Variants in RIN3 observed in about 807,000 individuals in gnomAD.
RIN3 encodes RAB5 interacting protein 3.
In RIN3, 54 loss-of-function variants were observed where a neutral mutation model predicts 76.3. That is an observed-to-expected ratio of 0.71 (90% CI 0.57 to 0.89). RIN3 has a LOEUF of 0.89. RIN3 is among the 40% of genes least tolerant of loss of function. The pLI is 0.00. For missense variants in RIN3, 1,256 were observed against 1,322.1 expected (o/e 0.95, Z 0.78); for synonymous variants, 576 against 564.0 (o/e 1.02, Z -0.30).
intron 2 of RIN3, among the ~76,000 whole-genome samples, chr14:92,557,148 C>T (rs2140036654): frequency 6.6e-6 from 1 of 152,384 alleles, no homozygotes; most frequent in East Asian, 1.9e-4. Context: ...CAAGCATTCC[C>T]TGAGTACTTG....
In RIN3 at chr14:92,656,369, G is replaced by A. The variant is rs906418232; in HGVS notation, c.2027-2792G>A. Among the ~76,000 whole-genome samples, 1 of 152,214 alleles carries A rather than the reference G, an allele frequency of 6.6e-6. No individual in the cohort carries two copies. Among genetic ancestry groups the A allele is most frequent in the Non-Finnish European group, 1.5e-5 (1 of 68,034 alleles). On this transcript the variant is annotated intron_variant, in intron 6 of 9. Coordinates refer to ENST00000216487, the MANE Select transcript of RIN3 (RefSeq NM_024832.5). This position sits in a 1 kb window ranked among gnomAD's most constrained non-coding sequence, Gnocchi z 5.2. ...ATGGAGCCCCTGAAGGGTGTGTGTG[G>A]AGGGCAGAGGAGAGGGGACAAGACA...
At chr14:92,537,103 T>A (rs773844681) in intron 1 of RIN3, among the ~76,000 whole-genome samples, 1 of 152,178 alleles carries the variant, frequency 6.6e-6, no homozygotes, top group Non-Finnish European at 1.5e-5. Context: ...ACTAGCTTCC[T>A]GCATCTTCTT....
chr14:92,550,910 C>G (rs1320077670), intron 1 of RIN3, among the ~76,000 whole-genome samples: 1 of 152,170 alleles, frequency 6.6e-6, no homozygotes, highest in African/African-American at 2.4e-5. Context: ...TTAAAAGATA[C>G]AGAAGACTTG....
chr14:92,622,530 G>A (rs1032074041), intron 4 of RIN3, among the ~76,000 whole-genome samples: 4 of 152,202 alleles, frequency 2.6e-5, no homozygotes, highest in African/African-American at 4.8e-5. Context: ...GTAGAAGGGC[G>A]CTTCCTGCAT....
chr14:92,576,852 G>A (rs775118479), intron 2 of RIN3, among the ~76,000 whole-genome samples: 1 of 152,094 alleles, frequency 6.6e-6, no homozygotes, highest in Non-Finnish European at 1.5e-5. Context: ...TTTTTTCAGG[G>A]GAAAAAATGG....
intron 2 of RIN3, chr14:92,576,146 G>A (rs1433939083): frequency 3.2e-5 from 35 of 1,086,516 alleles, no homozygotes; most frequent in Non-Finnish European, 4.0e-5. Context: ...TCCTGGGGAA[G>A]CTGTGCCACA....
intron 3 of RIN3, among the ~76,000 whole-genome samples, chr14:92,602,332 A>T (rs574164811): frequency 1.3e-5 from 2 of 152,320 alleles, no homozygotes; most frequent in East Asian, 3.9e-4. Context: ...GACAGGGGAG[A>T]TGGTGGCCCA....
chr14:92,680,684 C>CTGGG (rs1888632432), intron 8 of RIN3, among the ~76,000 whole-genome samples: 1 of 152,216 alleles, frequency 6.6e-6, no homozygotes, highest in Non-Finnish European at 1.5e-5. Context: ...AGAGATGGAG[C>CTGGG]TGGGCCCTGC....
chr14:92,518,789 C>CTCTGTGTGTGTGTGTG, intron 1 of RIN3, among the ~76,000 whole-genome samples: 1 of 128,418 alleles, frequency 7.8e-6, no homozygotes, highest in Non-Finnish European at 1.6e-5. Context: ...TAAGGGTGGC[C>CTCTGTGTGTGTGTGTG]TGTGTGTGTG....
intron 8 of RIN3, 40 bp downstream of exon 8, chr14:92,676,646 C>G: frequency 6.3e-7 from 1 of 1,599,590 alleles, no homozygotes; most frequent in Admixed American, 1.7e-5. Flanking sequence ...CATTGCACAC[C>G]CCCAACTCAG....
intron 3 of RIN3, among the ~76,000 whole-genome samples, chr14:92,593,309 C>G (rs1448450934): frequency 6.6e-6 from 1 of 152,108 alleles, no homozygotes. Context: ...TGGTAGATGT[C>G]AATCCAGCAA....
At chr14:92,677,865 C>T (rs981170234) in intron 8 of RIN3, among the ~76,000 whole-genome samples, 2 of 150,978 alleles carry the variant, frequency 1.3e-5, no homozygotes, top group Admixed American at 6.6e-5. Flanking sequence ...CCCATCTACC[C>T]ATCCACCCAC....
chr14:92,673,526 G>A (rs7159005), intron 7 of RIN3, among the ~76,000 whole-genome samples: 42,877 of 148,622 alleles, frequency 0.29, 7,000 homozygotes, highest in Non-Finnish European at 0.36. Context: ...TTTTTTTTGA[G>A]ACAGAGTTTC....
chr14:92,525,009 G>A (rs1896691832), intron 1 of RIN3, among the ~76,000 whole-genome samples: 1 of 152,244 alleles, frequency 6.6e-6, no homozygotes, highest in African/African-American at 2.4e-5. Context: ...GGCTGTGTGA[G>A]GCCTGCAGGG....
At chr14:92,614,410 T>C (rs1885869759) in intron 3 of RIN3, among the ~76,000 whole-genome samples, 1 of 152,192 alleles carries the variant, frequency 6.6e-6, no homozygotes, top group Non-Finnish European at 1.5e-5. Context: ...ATGACTGTGA[T>C]CTATTAAATG....
chr14:92,613,380 C>T lies in RIN3; in HGVS notation c.368-2027C>T, dbSNP rs375497353. Among the ~76,000 whole-genome samples, 17 of 152,316 alleles carry T rather than the reference C, an allele frequency of 1.1e-4. No homozygotes were observed. In the East Asian group the frequency reaches 2.9e-3, roughly 26 times the overall value. On this transcript the variant is annotated intron_variant, in intron 3 of 9. Transcript: ENST00000216487. The stretch of plus-strand genomic sequence containing the variant: ...GTCATTTGTAGGCATCCTCCAAATA[C>T]CTCCTGTACCACCATCTAGTTAATA...
intron 2 of RIN3, among the ~76,000 whole-genome samples, chr14:92,559,733 G>C (rs145469548): frequency 1.9e-3 from 291 of 152,340 alleles, no homozygotes; most frequent in African/African-American, 6.7e-3. Flanking sequence ...AGGTTGGGAT[G>C]GGGGAGCTGA....
At chr14:92,592,649 TA>T (rs1885022504) in intron 3 of RIN3, among the ~76,000 whole-genome samples, 1 of 14,910 alleles carries the variant, frequency 6.7e-5, no homozygotes, top group African/African-American at 3.7e-4. Flanking sequence ...TTTGTATTAT[TA>T]TTATTATTAT....
At chr14:92,672,971 A>G (rs1260440929) in intron 7 of RIN3, among the ~76,000 whole-genome samples, 2 of 152,026 alleles carry the variant, frequency 1.3e-5, no homozygotes, top group Non-Finnish European at 2.9e-5. Flanking sequence ...CACTTAGCAT[A>G]ATATCATCAC....
Sources: allele counts gnomAD v4.1 joint callset (sites outside exome capture counted in the v4.1 genomes callset), GRCh38; gene constraint gnomAD v4.1.1; non-coding constraint Gnocchi (gnomAD v3.1); transcripts MANE v1.5; gene names NCBI Gene and HGNC (gene_info 2026-07-23, HGNC 2026-07-21).